Variants in CFLAR observed in about 807,000 individuals in gnomAD.
The protein encoded by CFLAR is CASP8 and FADD-like apoptosis regulator.
CFLAR carries 14 observed loss-of-function variants against 51.1 expected under a neutral mutation model. The ratio of observed to expected loss-of-function variants is 0.27; its 90% CI spans 0.18 to 0.43. The LOEUF is 0.43. Ranked by LOEUF, CFLAR falls within the 20% of genes least tolerant of loss-of-function variation. The probability of loss-of-function intolerance (pLI) is 1.00; values close to 1 mark genes in which losing one functional copy is unlikely to be tolerated. For missense variants in CFLAR, 390 were observed against 566.5 expected, an observed-to-expected ratio of 0.69 and a Z score of 3.16; for synonymous variants, 210 against 211.6, an observed-to-expected ratio of 0.99 and a Z score of 0.06.
intron 3 of CFLAR, among the ~76,000 whole-genome samples, chr2:201,134,912 G>A (rs2049898101): frequency 6.6e-6 from 1 of 152,044 alleles, no homozygotes; most frequent in African/African-American, 2.4e-5. Flanking sequence ...AATGCAAAAT[G>A]GGAAGGAAAA....
intron 8 of CFLAR, chr2:201,154,009 A>T (rs1171244027): frequency 5.7e-6 from 1 of 176,302 alleles, no homozygotes; most frequent in African/African-American, 2.5e-5. Flanking sequence ...AGTTCAAGCG[A>T]TTCTTCTGCC....
rs1444762604 is a variant in CFLAR, at chr2:201,168,601, G to A, written c.*4628G>A. On this transcript the variant is annotated 3_prime_UTR_variant, in exon 10 of 10. Coordinates refer to ENST00000309955, the MANE Select transcript of CFLAR (RefSeq NM_003879.7). ...CGTCTCACCACTCCTATTTAACATA[G>A]TATTGGAAGTTCTGGCCAAGAAAAT... 1 of 152,178 alleles carries A rather than the reference G, an allele frequency of 6.6e-6. No homozygotes were observed. The highest frequency in any genetic ancestry group is 2.4e-5 in the African/African-American group (1 of 41,446). The allele number at this position is 152,178 out of a possible 1,614,324, so 9.4% of individuals were successfully genotyped here.
intron 1 of CFLAR, among the ~76,000 whole-genome samples, chr2:201,123,240 G>A (rs1027441520): frequency 9.9e-5 from 15 of 152,158 alleles, no homozygotes; most frequent in Non-Finnish European, 1.6e-4. Flanking sequence ...AGTTATTGGC[G>A]ATAATGTCTG....
Position 201,160,769 on chromosome 2 carries a change from G to A in CFLAR, c.1131G>A (p.Gly377=). The A allele has an allele frequency of 1.2e-6, 2 of 1,614,092 alleles. No individual in the cohort carries two copies. The highest frequency in any genetic ancestry group is 1.6e-4 in the Middle Eastern group (1 of 6,062). ...ACAGCAGCCTCTTGGAGGTGGATGGGCCAGCGATGAAGAATGTGGAATTCA... is the reference window on the plus strand; with the variant it reads ...ACAGCAGCCTCTTGGAGGTGGATGGACCAGCGATGAAGAATGTGGAATTCA... ...LEDSSLLEVD[G]PAMKNVEFKA... is the part of the protein sequence containing the mutation. Residue 377 remains glycine (G), a synonymous_variant, in exon 9 of 10, where the codon GGG becomes GGA. Coordinates refer to ENST00000309955, the MANE Select transcript of CFLAR (RefSeq NM_003879.7).
intron 8 of CFLAR, among the ~76,000 whole-genome samples, chr2:201,158,369 T>C (rs965313246): frequency 2.6e-5 from 4 of 152,214 alleles, no homozygotes; most frequent in African/African-American, 9.6e-5. Flanking sequence ...CATATCAGCA[T>C]GGGCAGGGAG....
At position 201,174,562 on chromosome 2, in the gene CFLAR, T is replaced by C. The variant is rs747962591; in HGVS notation, c.*10589T>C. On this transcript the variant is annotated 3_prime_UTR_variant, in exon 10 of 10. Coordinates refer to ENST00000309955, the MANE Select transcript of CFLAR (RefSeq NM_003879.7). ...GTTGTTGTTGTTCTTCTTTTTTCTTTTGTAGAGATGAGGCCTTGCTATGTT... is the reference window on the plus strand; with the variant it reads ...GTTGTTGTTGTTCTTCTTTTTTCTTCTGTAGAGATGAGGCCTTGCTATGTT... The C allele has an allele frequency of 5.9e-5, 9 of 152,200 alleles. No homozygotes were observed. Among genetic ancestry groups the C allele is most frequent in the Admixed American group, 1.3e-4 (2 of 15,268 alleles). 9.4% of individuals were successfully genotyped at this position (152,200 alleles called of 1,614,324 possible).
rs1944145426 is a variant in CFLAR at position 201,174,859 on chromosome 2, G to A, written c.*10886G>A. The A allele has an allele frequency of 6.6e-6, 1 of 152,220 alleles. No homozygotes were observed. Among genetic ancestry groups the A allele is most frequent in the Admixed American group, 6.5e-5 (1 of 15,278 alleles). 9.4% of individuals were successfully genotyped at this position (152,220 alleles called of 1,614,324 possible). A position where few individuals can be genotyped will look rare whatever the true frequency, so the allele number is the denominator to read the frequency against. ...AGACCACAAGACCCTGTAAGACCCT[G>A]CTGATAAGACAGGATGTGGTAGAAA... is the stretch of plus-strand genomic sequence containing the variant. On this transcript the variant is annotated 3_prime_UTR_variant, in exon 10 of 10. Coordinates refer to ENST00000309955, the MANE Select transcript of CFLAR (RefSeq NM_003879.7).
chr2:201,149,746 C>T lies in CFLAR; in HGVS notation c.712-8C>T, dbSNP rs1309240781. 1.2e-6 allele frequency: 2 copies of T among 1,608,546 alleles called. No individual in the cohort carries two copies. Among genetic ancestry groups the T allele is most frequent in the East Asian group, 4.5e-5 (2 of 44,806 alleles). On this transcript the variant is annotated splice_polypyrimidine_tract_variant and splice_region_variant and intron_variant, in intron 7 of 9. Coordinates refer to ENST00000309955, the MANE Select transcript of CFLAR (RefSeq NM_003879.7). ...AGAGTCTTTAGCATTTCTTGTCTTCCTTTCCAGAGCATACCTGAAGAGAGA... is the reference window on the plus strand; with the variant it reads ...AGAGTCTTTAGCATTTCTTGTCTTCTTTTCCAGAGCATACCTGAAGAGAGA...
Position 201,118,700 on chromosome 2 carries a change from A to T in CFLAR, c.-138+2219A>T, listed in dbSNP as rs373530317. 2 of 152,326 alleles carry T rather than the reference A, an allele frequency of 1.3e-5. No homozygotes were observed. The highest frequency in any genetic ancestry group is 1.9e-4 in the East Asian group (1 of 5,202). 9.4% of individuals were successfully genotyped at this position (152,326 alleles called of 1,614,324 possible). On this transcript the variant is annotated intron_variant, in intron 1 of 9. Transcript: ENST00000309955. The surrounding 1 kb of genome is among the most constrained non-coding windows in gnomAD (Gnocchi z 5.1). ...CGGTGGGTGGCGGGGATTAGGCGTG[A>T]AGCGGTTCAGCAGGCAGAGGTTCTC...
chr2:201,139,835 T>C (rs964942368), intron 4 of CFLAR: 4 of 153,440 alleles, frequency 2.6e-5, no homozygotes, highest in East Asian at 1.9e-4. Context: ...GGATCCTCCG[T>C]ATGCTGAACG....
intron 1 of CFLAR, among the ~76,000 whole-genome samples, chr2:201,127,075 T>G (rs959141205): frequency 6.6e-6 from 1 of 151,274 alleles, no homozygotes; most frequent in Non-Finnish European, 1.5e-5. Context: ...TCCTTTAAAA[T>G]TCTAGAAAAC....
rs142033711 is a variant in CFLAR, at chr2:201,164,097, C to T, written c.*124C>T. 6 of 683,016 alleles carry T rather than the reference C, an allele frequency of 8.8e-6. No individual in the cohort carries two copies. In the East Asian group the frequency reaches 1.8e-4, roughly 21 times the overall value. The allele number at this position is 683,016 out of a possible 1,614,324, so 42.3% of individuals were successfully genotyped here. A position where few individuals can be genotyped will look rare whatever the true frequency, so the allele number is the denominator to read the frequency against. On this transcript the variant is annotated 3_prime_UTR_variant, in exon 10 of 10. Coordinates refer to ENST00000309955, the MANE Select transcript of CFLAR (RefSeq NM_003879.7). ...CCTGGCCAACATGGTAAACGCTGTCCCTAGTAAAAATACAAAAATTAGCTG... is the reference window on the plus strand; with the variant it reads ...CCTGGCCAACATGGTAAACGCTGTCTCTAGTAAAAATACAAAAATTAGCTG...
intron 8 of CFLAR, chr2:201,154,173 T>G: frequency 4.0e-6 from 1 of 247,170 alleles, no homozygotes; most frequent in Non-Finnish European, 8.3e-6. Context: ...CTCACCGCAA[T>G]CTCCACCTCC....
At position 201,174,414 on chromosome 2, in the gene CFLAR, C is replaced by T. The variant is rs933597008; in HGVS notation, c.*10441C>T. On this transcript the variant is annotated 3_prime_UTR_variant, in exon 10 of 10. Coordinates refer to ENST00000309955, the MANE Select transcript of CFLAR (RefSeq NM_003879.7). Reference sequence around the variant, plus strand: ...TTTATACTTATCACAAATCAACTAACTATAAGGGTTTATTTCTGGACTCAA... The same window carrying T: ...TTTATACTTATCACAAATCAACTAATTATAAGGGTTTATTTCTGGACTCAA... 3 of 152,188 alleles carry T rather than the reference C, an allele frequency of 2.0e-5. No individual in the cohort carries two copies. The highest frequency in any genetic ancestry group is 3.8e-4 in the East Asian group (2 of 5,204). 9.4% of individuals were successfully genotyped at this position (152,188 alleles called of 1,614,324 possible). A position where few individuals can be genotyped will look rare whatever the true frequency, so the allele number is the denominator to read the frequency against.
In CFLAR at chr2:201,164,103, A is replaced by G; in HGVS notation, c.*130A>G. 1 of 622,832 alleles carries G rather than the reference A, an allele frequency of 1.6e-6. No individual in the cohort carries two copies. 38.6% of individuals were successfully genotyped at this position (622,832 alleles called of 1,614,324 possible). ...CAACATGGTAAACGCTGTCCCTAGT[A>G]AAAATACAAAAATTAGCTGGGTGTG... On this transcript the variant is annotated 3_prime_UTR_variant, in exon 10 of 10. Transcript: ENST00000309955.
At position 201,138,646 on chromosome 2, in the gene CFLAR, C is replaced by T. The variant is rs1193528045; in HGVS notation, c.524-1711C>T. ...TCAGTGATGGGGATGCCAGAGAAGC[C>T]ATGACGCATCTTGGCCTCCAACACA... On this transcript the variant is annotated intron_variant, in intron 4 of 9. Coordinates refer to ENST00000309955, the MANE Select transcript of CFLAR (RefSeq NM_003879.7). The surrounding 1 kb of genome is among the most constrained non-coding windows in gnomAD (Gnocchi z 4.0). 8 of 1,289,480 alleles carry T rather than the reference C, an allele frequency of 6.2e-6. No individual in the cohort carries two copies. Among genetic ancestry groups the T allele is most frequent in the Non-Finnish European group, 8.9e-6 (8 of 898,952 alleles). 79.9% of individuals were successfully genotyped at this position (1,289,480 alleles called of 1,614,324 possible).
intron 9 of CFLAR, among the ~76,000 whole-genome samples, chr2:201,162,023 C>A (rs182188406): frequency 6.6e-6 from 1 of 152,098 alleles, no homozygotes; most frequent in Non-Finnish European, 1.5e-5. Flanking sequence ...GCTGGGATTA[C>A]AGGCATGAGC....
intron 3 of CFLAR, 105 bp downstream of exon 3, chr2:201,133,239 T>C: frequency 1.3e-6 from 1 of 754,912 alleles, no homozygotes; most frequent in East Asian, 2.7e-5. Context: ...GCCACTATAG[T>C]GGGAGTCAGA....
rs759485954 is a variant in CFLAR at position 201,124,015 on chromosome 2, T to C, written c.-137-5714T>C. On this transcript the variant is annotated intron_variant, in intron 1 of 9. Transcript: ENST00000309955. This position sits in a 1 kb window ranked among gnomAD's most constrained non-coding sequence, Gnocchi z 4.7. ...TTTGTGGGGTTGCAAGAAATTACAT[T>C]TGCATTCACGCTGTGGCTCACTGGA... Among the ~76,000 whole-genome samples, 4 of 152,188 alleles carry C rather than the reference T, an allele frequency of 2.6e-5. No individual in the cohort carries two copies. The highest frequency in any genetic ancestry group is 4.8e-5 in the African/African-American group (2 of 41,444).
Sources: allele counts gnomAD v4.1 joint callset (sites outside exome capture counted in the v4.1 genomes callset), GRCh38; gene constraint gnomAD v4.1.1; non-coding constraint Gnocchi (gnomAD v3.1); transcripts MANE v1.5; gene names NCBI Gene and HGNC (gene_info 2026-07-23, HGNC 2026-07-21).